Variants in ALDH3A2 observed in about 807,000 individuals in gnomAD.
ALDH3A2 encodes the protein aldehyde dehydrogenase family 3 member A2.
Under a neutral mutation model 51.3 loss-of-function variants are expected in ALDH3A2, and 36 were observed. The ratio of observed to expected loss-of-function variants is 0.70; its 90% CI spans 0.54 to 0.93. The LOEUF (loss-of-function observed/expected upper bound fraction) is 0.93. ALDH3A2 is among the 40% of genes least tolerant of loss of function. ALDH3A2 has a pLI of 0.00. For missense variants in ALDH3A2, 552 were observed against 603.1 expected (o/e 0.92, Z 0.89); for synonymous variants, 199 against 219.8 (o/e 0.91, Z 0.84).
At position 19,648,963 on chromosome 17, in the gene ALDH3A2, G is replaced by C. The variant is rs1210559241; in HGVS notation, c.-9G>C. ...CCCCGGACCGTGCAGTTCTCTGCAG[G>C]ACCAGGCCATGGAGCTCGAAGTCCG... is the stretch of plus-strand genomic sequence containing the variant. On this transcript the variant is annotated 5_prime_UTR_variant, in exon 1 of 10. Transcript: ENST00000176643. 6.3e-7 allele frequency: 1 copy of C among 1,582,118 alleles called. No homozygotes were observed. Among genetic ancestry groups the C allele is most frequent in the Admixed American group, 1.8e-5 (1 of 55,020 alleles).
At position 19,656,503 on chromosome 17, in the gene ALDH3A2, T is replaced by C; in HGVS notation, c.609T>C (p.Pro203=). 6.2e-7 allele frequency: 1 copy of C among 1,614,192 alleles called. No homozygotes were observed. Among genetic ancestry groups the C allele is most frequent in the Non-Finnish European group, 8.5e-7 (1 of 1,180,026 alleles). ...VMEAAAKHLT[P]VTLELGGKSP... is the part of the protein sequence containing the mutation. ...AAGCTGCTGCCAAGCATCTGACCCC[T>C]GTGACTCTTGAACTGGGAGGGAAAA... Residue 203 remains proline, a synonymous_variant, in exon 4 of 10, where the codon CCT becomes CCC. Transcript: ENST00000176643.
chr17:19,656,083 A>G (rs753713781), intron 3 of ALDH3A2: 4 of 440,688 alleles, frequency 9.1e-6, no homozygotes, highest in South Asian at 2.1e-5. Flanking sequence ...TCCCTGGTCA[A>G]ATTCAACCAT....
At chr17:19,655,792 C>T (rs1164148919) in intron 3 of ALDH3A2, among the ~76,000 whole-genome samples, 2 of 152,212 alleles carry the variant, frequency 1.3e-5, no homozygotes, top group African/African-American at 4.8e-5. Context: ...CGTGAATTCT[C>T]CCAGTAACAG....
At chr17:19,675,478 CTG>C in intron 9 of ALDH3A2, 78 bp from the exon 10 acceptor site, 1 of 1,426,398 alleles carries the variant, frequency 7.0e-7, no homozygotes, top group Non-Finnish European at 9.9e-7. Context: ...AGTCCCAGTG[CTG>C]AGCTTGTGTT....
intron 5 of ALDH3A2, chr17:19,659,786 G>A (rs2152329553): frequency 6.6e-6 from 1 of 151,552 alleles, no homozygotes; most frequent in African/African-American, 2.4e-5. Flanking sequence ...GGAGGCTGCA[G>A]TGAGCCAAGA....
At position 19,652,581 on chromosome 17, in the gene ALDH3A2, T is replaced by C; in HGVS notation, c.420T>C (p.Ser140=). 1.9e-6 allele frequency: 3 copies of C among 1,614,120 alleles called. No homozygotes were observed. Among genetic ancestry groups the C allele is most frequent in the Non-Finnish European group, 2.5e-6 (3 of 1,179,952 alleles). Reference sequence around the variant, plus strand: ...TGATTATAAAGCCTTCTGAACTGAGTGAAAATACAGCCAAGATCTTGGCAA... The same window carrying C: ...TGATTATAAAGCCTTCTGAACTGAGCGAAAATACAGCCAAGATCTTGGCAA... ...NAVIIKPSEL[S]ENTAKILAKL... is the part of the protein sequence containing the mutation. The change falls in exon 3 of 10, where the codon AGT becomes AGC. Residue 140 remains serine, a synonymous_variant. Coordinates refer to ENST00000176643, the MANE Select transcript of ALDH3A2 (RefSeq NM_000382.3).
In ALDH3A2 at chr17:19,676,172, C is replaced by T. The variant is rs2085185270; in HGVS notation, c.*600C>T. ...CATCTCACCAGTGGTCTTCATTCTT[C>T]CTCATTCATTCTTTATCATCCTGTG... On this transcript the variant is annotated 3_prime_UTR_variant, in exon 10 of 10. Transcript: ENST00000176643. 1 of 155,036 alleles carries T rather than the reference C, an allele frequency of 6.5e-6. No individual in the cohort carries two copies. Among genetic ancestry groups the T allele is most frequent in the Admixed American group, 6.3e-5 (1 of 15,922 alleles). 9.6% of individuals were successfully genotyped at this position (155,036 alleles called of 1,614,324 possible). A position where few individuals can be genotyped will look rare whatever the true frequency, so the allele number is the denominator to read the frequency against.
At chr17:19,652,464 C>G in intron 2 of ALDH3A2, 83 bp from the exon 3 acceptor site, 1 of 1,013,104 alleles carries the variant, frequency 9.9e-7, no homozygotes, top group South Asian at 1.3e-5. Flanking sequence ...GAGTACCTAG[C>G]CTGTTCTTCC....
intron 8 of ALDH3A2, among the ~76,000 whole-genome samples, chr17:19,666,110 G>A (rs2085034015): frequency 6.6e-6 from 1 of 152,038 alleles, no homozygotes; most frequent in African/African-American, 2.4e-5. Context: ...AAATGGTGGT[G>A]GCTTGTAGAG....
intron 1 of ALDH3A2, among the ~76,000 whole-genome samples, chr17:19,650,363 C>G (rs2084798927): frequency 6.6e-6 from 1 of 152,082 alleles, no homozygotes; most frequent in African/African-American, 2.4e-5. Context: ...CTCACTGCAG[C>G]CTCCAACTCC....
rs1284125959 is a variant in ALDH3A2 at position 19,664,995 on chromosome 17, C to G, written c.1155C>G (p.Gly385=). The G allele has an allele frequency of 6.2e-7, 1 of 1,614,048 alleles. No homozygotes were observed. Among genetic ancestry groups the G allele is most frequent in the East Asian group, 2.2e-5 (1 of 44,884 alleles). The change falls in exon 8 of 10, where the codon GGC becomes GGG. Residue 385 remains glycine, a synonymous_variant. Coordinates refer to ENST00000176643, the MANE Select transcript of ALDH3A2 (RefSeq NM_000382.3). ...AGACATCCAGTGGAGGTGTCACAGG[C>G]AATGACGTCATTATGCACTTCACGC... ...IDETSSGGVT[G]NDVIMHFTLN...
rs919836950 is a variant in ALDH3A2, at chr17:19,649,085, G to A, written c.114G>A (p.Glu38=). The A allele has an allele frequency of 1.1e-4, 177 of 1,583,324 alleles. No individual in the cohort carries two copies. The highest frequency in any genetic ancestry group is 1.5e-4 in the Non-Finnish European group (174 of 1,165,398). ...EALRRMVQER[E]KDILTAIAAD... ...TGCGGAGGATGGTGCAGGAGCGCGA[G>A]AAGGATATCCTGACGGCCATCGCCG... The change falls in exon 1 of 10, where the codon GAG becomes GAA. Residue 38 remains glutamate, a synonymous_variant. Transcript: ENST00000176643.
chr17:19,673,459 T>G (rs1484073509), intron 9 of ALDH3A2, among the ~76,000 whole-genome samples: 1 of 152,082 alleles, frequency 6.6e-6, no homozygotes, highest in Non-Finnish European at 1.5e-5. Flanking sequence ...GGCTCACGCC[T>G]GTAATCCTAG....
intron 6 of ALDH3A2, among the ~76,000 whole-genome samples, chr17:19,663,091 A>G (rs761210226): frequency 2.0e-5 from 3 of 152,226 alleles, no homozygotes; most frequent in Non-Finnish European, 4.4e-5. Flanking sequence ...CAATGTGAAA[A>G]AGATATATTT....
chr17:19,664,888 G>A, intron 7 of ALDH3A2, 60 bp from the exon 8 acceptor site: 1 of 1,152,904 alleles, frequency 8.7e-7, no homozygotes, highest in Non-Finnish European at 1.3e-6. Flanking sequence ...GTGTGGTGGG[G>A]CCATGAGTGT....
chr17:19,673,102 G>A (rs1301594401), intron 9 of ALDH3A2: 2 of 1,613,124 alleles, frequency 1.2e-6, no homozygotes, highest in African/African-American at 1.3e-5. Flanking sequence ...CCCAGCCTTA[G>A]TGGAATTGGA....
chr17:19,672,035 C>G, intron 9 of ALDH3A2, 79 bp downstream of exon 9: 1 of 1,293,532 alleles, frequency 7.7e-7, no homozygotes, highest in Middle Eastern at 2.0e-4. Context: ...TAGCAGGACT[C>G]TACATTAACT....
At chr17:19,668,237 A>G (rs181035768) in intron 8 of ALDH3A2, among the ~76,000 whole-genome samples, 1 of 151,918 alleles carries the variant, frequency 6.6e-6, no homozygotes, top group Non-Finnish European at 1.5e-5. Flanking sequence ...TTTTAATTTT[A>G]TCTATGATTT....
intron 8 of ALDH3A2, among the ~76,000 whole-genome samples, chr17:19,668,152 A>G (rs930289729): frequency 1.3e-5 from 2 of 152,122 alleles, no homozygotes; most frequent in African/African-American, 2.4e-5. Context: ...TTGGTATATA[A>G]ATAGCCTTTT....
Sources: allele counts gnomAD v4.1 joint callset (sites outside exome capture counted in the v4.1 genomes callset), GRCh38; gene constraint gnomAD v4.1.1; transcripts MANE v1.5; gene names NCBI Gene and HGNC (gene_info 2026-07-23, HGNC 2026-07-21).